POMT1: variants seen among roughly 807,000 people sequenced by gnomAD.
POMT1 encodes protein O-mannosyl-transferase 1.
Under a neutral mutation model 101.6 loss-of-function variants are expected in POMT1, and 85 were observed. The observed-to-expected ratio is 0.84, with a 90% CI of 0.70 to 1.00. The LOEUF is 1.00. Among genes scored for constraint, POMT1 ranks in the 50% least tolerant of loss-of-function variants. The pLI is 0.00. For missense variants in POMT1, 857 were observed against 930.4 expected (o/e 0.92, Z 1.03); for synonymous variants, 371 against 383.0 (o/e 0.97, Z 0.37).
intron 4 of POMT1, among the ~76,000 whole-genome samples, chr9:131,506,955 A>T (rs1945971503): frequency 1.3e-5 from 2 of 151,786 alleles, no homozygotes; most frequent in African/African-American, 4.8e-5. Context: ...TAGTCCCAGC[A>T]ACTCGGGAGG....
At chr9:131,511,894 A>T in intron 10 of POMT1, 147 bp from the exon 11 acceptor site, 1 of 772,560 alleles carries the variant, frequency 1.3e-6, no homozygotes, top group Non-Finnish European at 2.2e-6. Context: ...TCTCATAAAT[A>T]GACACAGGGT....
intron 2 of POMT1, among the ~76,000 whole-genome samples, chr9:131,505,610 C>T (rs180989599): frequency 8.3e-4 from 127 of 152,282 alleles, no homozygotes; most frequent in African/African-American, 2.8e-3. Flanking sequence ...ATTATCATGC[C>T]TGAGAAATTG....
intron 2 of POMT1, 130 bp from the exon 3 acceptor site, chr9:131,505,984 C>A: frequency 7.8e-7 from 1 of 1,279,262 alleles, no homozygotes; most frequent in Non-Finnish European, 1.1e-6. Flanking sequence ...ACAATTGGGG[C>A]AAAAGATCCA....
chr9:131,508,840 T>A (rs1946439307), intron 5 of POMT1, 71 bp from the exon 6 acceptor site: 1 of 1,096,794 alleles, frequency 9.1e-7, no homozygotes, highest in Admixed American at 1.7e-5. Flanking sequence ...CCTTTTTTCA[T>A]GAGTGTTTTT....
At chr9:131,521,934 C>A (rs1006770045) in intron 18 of POMT1, 113 bp from the exon 19 acceptor site, 1 of 1,568,660 alleles carries the variant, frequency 6.4e-7, no homozygotes, top group South Asian at 1.2e-5. Flanking sequence ...GCCAGGAGTT[C>A]AAAACCAGCC....
At chr9:131,518,422 A>C in intron 13 of POMT1, 23 bp from the exon 14 acceptor site, 1 of 1,580,550 alleles carries the variant, frequency 6.3e-7, no homozygotes, top group Non-Finnish European at 8.7e-7. Context: ...GAATGAAATA[A>C]TCCTTGAGAT....
intron 12 of POMT1, 37 bp from the exon 13 acceptor site, chr9:131,515,389 C>T: frequency 6.3e-7 from 1 of 1,597,532 alleles, no homozygotes; most frequent in Non-Finnish European, 8.6e-7. Flanking sequence ...CAGAGGAGTT[C>T]AAGGAATTTT....
At position 131,515,811 on chromosome 9, in the gene POMT1, GCACTTCCTCTAACACAGGA is replaced by G. The variant is rs1381490595; in HGVS notation, c.1272+299_1272+317del. 2.5e-3 allele frequency among the ~76,000 whole-genome samples: 301 copies of G among 119,152 alleles called. 3 individuals carry two copies. The highest frequency in any genetic ancestry group is 3.2e-3 in the East Asian group (13 of 4,002). The allele number at this position is 119,152 out of a possible 152,430, so 78.2% of individuals were successfully genotyped here. On this transcript the variant is annotated intron_variant, in intron 13 of 19. Coordinates refer to ENST00000402686, the MANE Select transcript of POMT1 (RefSeq NM_001077365.2). ...AACACAGGACACTTCCTCACACGGA[GCACTTCCTCTAACACAGGA>G]CACTTCCTCACACGGAGCACTTCCT...
At position 131,508,901 on chromosome 9, in the gene POMT1, T is replaced by C; in HGVS notation, c.428-10T>C. 1 of 1,589,410 alleles carries C rather than the reference T, an allele frequency of 6.3e-7. No homozygotes were observed. On this transcript the variant is annotated splice_polypyrimidine_tract_variant and intron_variant, in intron 5 of 19. Coordinates refer to ENST00000402686, the MANE Select transcript of POMT1 (RefSeq NM_001077365.2). The stretch of plus-strand genomic sequence containing the variant: ...CCTTAAAATTGACATGTGTTTCCTC[T>C]TTGAAACAGAGAATGCTCTCATCAC...
intron 9 of POMT1, chr9:131,510,866 C>T: frequency 3.0e-6 from 1 of 329,314 alleles, no homozygotes; most frequent in African/African-American, 2.1e-5. Flanking sequence ...GCCTTAAGGA[C>T]CACACTCAAC....
intron 8 of POMT1, 116 bp downstream of exon 8, chr9:131,510,112 C>T: frequency 6.2e-7 from 1 of 1,613,110 alleles, no homozygotes; most frequent in Non-Finnish European, 8.5e-7. Context: ...GCAGGCAGGC[C>T]TGGGCAGCCT....
Position 131,523,304 on chromosome 9 carries a change from T to A in POMT1, c.*198T>A. 1.5e-6 allele frequency: 1 copy of A among 657,514 alleles called. No homozygotes were observed. The highest frequency in any genetic ancestry group is 1.8e-5 in the South Asian group (1 of 54,350). The allele number at this position is 657,514 out of a possible 1,614,324, so 40.7% of individuals were successfully genotyped here. On this transcript the variant is annotated 3_prime_UTR_variant, in exon 20 of 20. Coordinates refer to ENST00000402686, the MANE Select transcript of POMT1 (RefSeq NM_001077365.2). ...CTCCTTTTGTGCAAAGTTAATTTTT[T>A]CTCGACAATAAAGATATTCCGTGTC...
At chr9:131,517,956 C>T (rs560234893) in intron 13 of POMT1, among the ~76,000 whole-genome samples, 2 of 152,350 alleles carry the variant, frequency 1.3e-5, no homozygotes, top group East Asian at 3.9e-4. Context: ...TTGTGAGGCT[C>T]CAGTATGTCA....
At position 131,521,463 on chromosome 9, in the gene POMT1, C is replaced by A. The variant is rs758916059; in HGVS notation, c.1816C>A (p.Leu606Ile). 1.2e-6 allele frequency: 2 copies of A among 1,614,094 alleles called. No homozygotes were observed. Among genetic ancestry groups the A allele is most frequent in the African/African-American group, 1.3e-5 (1 of 75,008 alleles). The change falls in exon 18 of 20, where the codon CTC becomes ATC. Residue 606 changes from leucine to isoleucine, a missense_variant. Leu to Ile is a conservative substitution (Grantham distance 5). Transcript: ENST00000402686. ...LLRRRRNVHD[L>I]PQDAWLRWVL... ...CCGACGGCGAAGAAATGTCCATGAC[C>A]TCCCTCAGGGTTAGTACCTCTCCCA...
In POMT1 at chr9:131,521,377, T is replaced by G. The variant is rs868856067; in HGVS notation, c.1730T>G (p.Ile577Ser). The G allele has an allele frequency of 1.9e-6, 3 of 1,614,184 alleles. No homozygotes were observed. In the South Asian group the frequency reaches 3.3e-5, roughly 18 times the overall value. The change falls in exon 18 of 20, where the codon ATC becomes AGC. Residue 577 changes from isoleucine (I) to serine (S), a missense_variant. Coordinates refer to ENST00000402686, the MANE Select transcript of POMT1 (RefSeq NM_001077365.2). ...AQIHLLGNIV[I>S]WVSGSLALAI... is the part of the protein sequence containing the mutation. ...ATCCACCTACTTGGAAACATAGTGATCTGGGTTTCGGGCAGCCTCGCTCTG... is the reference window on the plus strand; with the variant it reads ...ATCCACCTACTTGGAAACATAGTGAGCTGGGTTTCGGGCAGCCTCGCTCTG...
Position 131,519,281 on chromosome 9 carries a change from C to G in POMT1, c.1487-108C>G. 8.8e-7 allele frequency: 1 copy of G among 1,137,984 alleles called. No homozygotes were observed. Among genetic ancestry groups the G allele is most frequent in the South Asian group, 1.3e-5 (1 of 75,420 alleles). The allele number at this position is 1,137,984 out of a possible 1,614,324, so 70.5% of individuals were successfully genotyped here. ...GGAATGATGCGGTTCGATAAGGGGT[C>G]TTTGTTAGAAAGGCAGGAAGCCAGC... On this transcript the variant is annotated intron_variant, in intron 15 of 19. Transcript: ENST00000402686. This position sits in a 1 kb window ranked among gnomAD's most constrained non-coding sequence, Gnocchi z 4.3.
chr9:131,510,233 C>A, intron 8 of POMT1, 27 bp from the exon 9 acceptor site: 1 of 1,614,192 alleles, frequency 6.2e-7, no homozygotes, highest in Non-Finnish European at 8.5e-7. Flanking sequence ...CGCAGTGGAA[C>A]ATGACTTTTC....
Position 131,509,036 on chromosome 9 carries a change from A to G in POMT1, c.539+14A>G. 6.4e-7 allele frequency: 1 copy of G among 1,551,298 alleles called. No homozygotes were observed. Among genetic ancestry groups the G allele is most frequent in the Non-Finnish European group, 8.9e-7 (1 of 1,123,374 alleles). On this transcript the variant is annotated intron_variant, in intron 6 of 19. Transcript: ENST00000402686. ...CCAAAAGCACAGGTATGGAAAATGG[A>G]GTGTCTTCCTAGTTAACGAGAACAG...
intron 11 of POMT1, among the ~76,000 whole-genome samples, chr9:131,512,905 C>G (rs1947435017): frequency 1.3e-5 from 2 of 151,738 alleles, no homozygotes; most frequent in South Asian, 2.1e-4. Context: ...AGCCACCACG[C>G]CCGGCCCCCT....
Sources: allele counts gnomAD v4.1 joint callset (sites outside exome capture counted in the v4.1 genomes callset), GRCh38; gene constraint gnomAD v4.1.1; non-coding constraint Gnocchi (gnomAD v3.1); transcripts MANE v1.5; gene names NCBI Gene and HGNC (gene_info 2026-07-23, HGNC 2026-07-21).